Variants in ATP8A2 observed in about 807,000 individuals in gnomAD.
ATP8A2 encodes the protein phospholipid-transporting ATPase IB.
In ATP8A2, 100 loss-of-function variants were observed where a neutral mutation model predicts 165.6. The observed-to-expected ratio is 0.60, with a 90% CI of 0.51 to 0.71. ATP8A2 has a LOEUF of 0.71. ATP8A2 is among the 30% of genes least tolerant of loss of function. ATP8A2 has a pLI of 0.00. For synonymous variants in ATP8A2, 543 were observed against 548.8 expected, an observed-to-expected ratio of 0.99 and a Z score of 0.15; for missense variants, 1,227 against 1,479.5, an observed-to-expected ratio of 0.83 and a Z score of 2.80.
intron 33 of ATP8A2, among the ~76,000 whole-genome samples, chr13:25,960,916 C>T (rs1467415909): frequency 6.6e-6 from 1 of 152,214 alleles, no homozygotes; most frequent in Non-Finnish European, 1.5e-5. Flanking sequence ...CTCTGTCCTT[C>T]TACCCATCTC....
In ATP8A2 at chr13:25,562,399, G is replaced by A. The variant is rs1013835755; in HGVS notation, c.1398-1557G>A. Reference sequence around the variant, plus strand: ...AAATGGTGATGCTGTCTGTCTGCACGTGTTTTAAAGCTTATACACAAGAAA... The same window carrying A: ...AAATGGTGATGCTGTCTGTCTGCACATGTTTTAAAGCTTATACACAAGAAA... On this transcript the variant is annotated intron_variant, in intron 15 of 36. Coordinates refer to ENST00000381655, the MANE Select transcript of ATP8A2 (RefSeq NM_016529.6). Among the ~76,000 whole-genome samples, 5 of 152,236 alleles carry A rather than the reference G, an allele frequency of 3.3e-5. No individual in the cohort carries two copies. The East Asian group carries it at 5.8e-4, about 18-fold the overall frequency.
chr13:25,392,141 C>A (rs1317264171), intron 1 of ATP8A2, among the ~76,000 whole-genome samples: 1 of 152,234 alleles, frequency 6.6e-6, no homozygotes, highest in Non-Finnish European at 1.5e-5. Flanking sequence ...AGCACCACCC[C>A]TCAAGTGCCT....
At chr13:25,670,384 G>C (rs1050137643) in intron 24 of ATP8A2, among the ~76,000 whole-genome samples, 2 of 152,158 alleles carry the variant, frequency 1.3e-5, no homozygotes, top group Non-Finnish European at 2.9e-5. Context: ...CCCTGGTGTT[G>C]AGCCCTGGGA....
rs571600237 is a variant in ATP8A2, at chr13:25,988,265, G to C, written c.3377+19586G>C. Among the ~76,000 whole-genome samples the C allele has an allele frequency of 8.8e-4, 134 of 152,308 alleles. 2 individuals are homozygous for C. The highest frequency in any genetic ancestry group is 3.1e-3 in the African/African-American group (130 of 41,566). ...ATCACGTGGCTCAGATGGCATCTTC[G>C]CTGTGAGTGCGAAGACGCTGGGCAC... On this transcript the variant is annotated intron_variant, in intron 35 of 36. Coordinates refer to ENST00000381655, the MANE Select transcript of ATP8A2 (RefSeq NM_016529.6).
chr13:25,377,839 C>G (rs1216358098), intron 1 of ATP8A2, among the ~76,000 whole-genome samples: 1 of 152,054 alleles, frequency 6.6e-6, no homozygotes, highest in Non-Finnish European at 1.5e-5. Flanking sequence ...ACTTGAATGG[C>G]CAAGCCTGTT....
chr13:25,855,905 G>GT (rs1347621936), intron 30 of ATP8A2, among the ~76,000 whole-genome samples: 1 of 152,136 alleles, frequency 6.6e-6, no homozygotes, highest in Non-Finnish European at 1.5e-5. Flanking sequence ...GGCTAATGAT[G>GT]TTTTGCTGTT....
intron 24 of ATP8A2, among the ~76,000 whole-genome samples, chr13:25,679,906 C>A (rs147765441): frequency 2.6e-4 from 40 of 152,228 alleles, no homozygotes; most frequent in African/African-American, 9.1e-4. Context: ...ATTAAGACAG[C>A]ATCAGTTTTC....
intron 1 of ATP8A2, among the ~76,000 whole-genome samples, chr13:25,378,119 GAA>G (rs963698828): frequency 7.0e-6 from 1 of 143,150 alleles, no homozygotes; most frequent in Admixed American, 7.0e-5. Flanking sequence ...TTCCTCTAAA[GAA>G]AAAAAAAAAG....
intron 27 of ATP8A2, among the ~76,000 whole-genome samples, chr13:25,814,246 T>C (rs113030892): frequency 0.022 from 3,276 of 152,288 alleles, 109 homozygotes; most frequent in African/African-American, 0.075. Flanking sequence ...ATTTATAATA[T>C]GCCAGAAATT....
In ATP8A2 at chr13:25,554,539, G is replaced by A. The variant is rs1193239258; in HGVS notation, c.1186-452G>A. On this transcript the variant is annotated intron_variant, in intron 12 of 36. Coordinates refer to ENST00000381655, the MANE Select transcript of ATP8A2 (RefSeq NM_016529.6). ...TGTGTGTGTGTGTGTATGTGTGTGT[G>A]TGTGTGTGTGTGTGTGTGTGTGTGT... Among the ~76,000 whole-genome samples, 251 of 150,842 alleles carry A rather than the reference G, an allele frequency of 1.7e-3. 4 individuals are homozygous for A. The highest frequency in any genetic ancestry group is 3.3e-3 in the Admixed American group (50 of 15,142).
chr13:25,628,451 C>T (rs969733334), intron 24 of ATP8A2, among the ~76,000 whole-genome samples: 1 of 152,300 alleles, frequency 6.6e-6, no homozygotes, highest in African/African-American at 2.4e-5. Context: ...TTTCATACTT[C>T]CTTGCCTTTT....
intron 33 of ATP8A2, among the ~76,000 whole-genome samples, chr13:25,906,474 T>C (rs964810255): frequency 6.6e-6 from 1 of 152,036 alleles, no homozygotes; most frequent in Non-Finnish European, 1.5e-5. Context: ...CCTTAGCAAT[T>C]CCCAGCACCC....
At chr13:25,905,122 C>T (rs1184137089) in intron 33 of ATP8A2, among the ~76,000 whole-genome samples, 3 of 151,500 alleles carry the variant, frequency 2.0e-5, no homozygotes, top group Admixed American at 1.3e-4. Flanking sequence ...TATCCATTAA[C>T]GTGACATTGT....
chr13:25,871,922 G>A (rs1000530652), intron 33 of ATP8A2, among the ~76,000 whole-genome samples: 1 of 152,138 alleles, frequency 6.6e-6, no homozygotes, highest in African/African-American at 2.4e-5. Flanking sequence ...ATTTAAATGT[G>A]CAGAGTGCTT....
At chr13:25,445,504 G>A (rs1324659489) in intron 1 of ATP8A2, among the ~76,000 whole-genome samples, 1 of 152,140 alleles carries the variant, frequency 6.6e-6, no homozygotes, top group Non-Finnish European at 1.5e-5. Context: ...GCACAAAGTA[G>A]CCAGTGGTTT....
chr13:26,012,533 T>C lies in ATP8A2; in HGVS notation c.3380T>C (p.Leu1127Pro). 2 of 1,540,346 alleles carry C rather than the reference T, an allele frequency of 1.3e-6. No homozygotes were observed. The highest frequency in any genetic ancestry group is 1.8e-6 in the Non-Finnish European group (2 of 1,142,076). The change falls in exon 36 of 37, where the codon CTG (leucine) becomes CCG (proline). Residue 1127 changes from leucine to proline, a missense_variant and splice_region_variant. Physicochemically the swap from Leu to Pro is moderately conservative, Grantham distance 98 (BLOSUM62 -3). This residue lies in a region of ATP8A2 where 260 missense variants were observed against 245.1 expected (regional missense o/e 1.06). Transcript: ENST00000381655. Reference sequence around the variant, plus strand: ...TGACGCGCTTGCTTTATCCGCAGGCTGAACGAGCGCGACCGCCTGATCAAG... The same window carrying C: ...TGACGCGCTTGCTTTATCCGCAGGCCGAACGAGCGCGACCGCCTGATCAAG... ...AVLRDSNGKR[L>P]NERDRLIKRL... is the part of the protein sequence containing the mutation.
intron 33 of ATP8A2, among the ~76,000 whole-genome samples, chr13:25,862,834 A>C (rs181650445): frequency 6.6e-6 from 1 of 152,350 alleles, no homozygotes; most frequent in African/African-American, 2.4e-5. Flanking sequence ...CCTGTGACAG[A>C]TGAATCTAAC....
At chr13:25,502,160 C>T (rs924358552) in intron 2 of ATP8A2, among the ~76,000 whole-genome samples, 3 of 152,156 alleles carry the variant, frequency 2.0e-5, no homozygotes, top group Admixed American at 6.5e-5. Flanking sequence ...ATTTGGATCA[C>T]GGGGTGTTTT....
intron 1 of ATP8A2, among the ~76,000 whole-genome samples, chr13:25,430,779 G>T (rs1164154990): frequency 2.0e-5 from 3 of 152,026 alleles, no homozygotes; most frequent in Non-Finnish European, 4.4e-5. Flanking sequence ...TGTATTTTTA[G>T]TAGAGACAGG....
Sources: gnomAD v4.1 joint callset for allele counts (sites outside exome capture counted in the v4.1 genomes callset) on GRCh38, gnomAD v4.1.1 for gene constraint, gnomAD v4.1.1 regional missense constraint, MANE v1.5 for transcripts, NCBI Gene and HGNC (gene_info 2026-07-23, HGNC 2026-07-21) for gene names.